The following RSBN1L variants were observed in gnomAD, a reference collection of about 807,000 sequenced individuals.
RSBN1L encodes lysine-specific demethylase RSBN1L.
Under a neutral mutation model 67.7 loss-of-function variants are expected in RSBN1L, and 30 were observed. That is an observed-to-expected ratio of 0.44 (90% CI 0.33 to 0.60). The LOEUF is 0.60. RSBN1L is among the 20% of genes least tolerant of loss of function. The pLI, the probability that RSBN1L is intolerant of heterozygous loss-of-function variation, is 0.02. For missense variants in RSBN1L, 992 were observed against 1,031.7 expected (o/e 0.96, Z 0.53); for synonymous variants, 433 against 387.0 (o/e 1.12, Z -1.39).
chr7:77,753,099 G>A (rs189498439), intron 3 of RSBN1L, among the ~76,000 whole-genome samples: 2 of 152,128 alleles, frequency 1.3e-5, no homozygotes, highest in Non-Finnish European at 2.9e-5. Flanking sequence ...GGTAGAACAC[G>A]GATGCTATGA....
chr7:77,713,549 G>A (rs1462461294), intron 1 of RSBN1L, among the ~76,000 whole-genome samples: 1 of 151,502 alleles, frequency 6.6e-6, no homozygotes, highest in African/African-American at 2.4e-5. Context: ...GTAGAGACGG[G>A]GTTTCACCAT....
intron 1 of RSBN1L, chr7:77,697,314 G>A: frequency 2.8e-6 from 1 of 357,718 alleles, no homozygotes; most frequent in Non-Finnish European, 4.9e-6. Flanking sequence ...GTGCGCTGCA[G>A]GATTTGTGAA....
At chr7:77,757,860 C>T (rs1201913785) in intron 3 of RSBN1L, among the ~76,000 whole-genome samples, 1 of 152,146 alleles carries the variant, frequency 6.6e-6, no homozygotes, top group Admixed American at 6.5e-5. Flanking sequence ...CAAGCTTCTG[C>T]TTGTGTTGTG....
intron 3 of RSBN1L, 79 bp downstream of exon 3, chr7:77,750,143 A>G (rs960404877): frequency 1.2e-6 from 1 of 820,306 alleles, no homozygotes; most frequent in Non-Finnish European, 1.7e-6. Context: ...TCCTAATTAT[A>G]GGGCTGAAAT....
chr7:77,777,158 A>G (rs1455893341), intron 6 of RSBN1L, among the ~76,000 whole-genome samples: 3 of 151,238 alleles, frequency 2.0e-5, no homozygotes, highest in African/African-American at 7.3e-5. Context: ...GTATACTTCC[A>G]TTTATTCCCT....
At chr7:77,737,777 A>G (rs1281679816) in intron 2 of RSBN1L, among the ~76,000 whole-genome samples, 2 of 152,208 alleles carry the variant, frequency 1.3e-5, no homozygotes, top group Admixed American at 6.5e-5. Context: ...AATCCCAGCA[A>G]TTTGGGAGGC....
chr7:77,706,620 A>G (rs950574772), intron 1 of RSBN1L, among the ~76,000 whole-genome samples: 1 of 152,220 alleles, frequency 6.6e-6, no homozygotes, highest in African/African-American at 2.4e-5. Flanking sequence ...GGGGTGGGAA[A>G]TTCAGTATAA....
At chr7:77,733,401 A>G (rs1331950784) in intron 1 of RSBN1L, among the ~76,000 whole-genome samples, 1 of 152,172 alleles carries the variant, frequency 6.6e-6, no homozygotes, top group African/African-American at 2.4e-5. Flanking sequence ...TGGCTTTGCC[A>G]TTGTTTTTGT....
At chr7:77,762,110 T>A (rs1301536811) in intron 3 of RSBN1L, among the ~76,000 whole-genome samples, 1 of 152,218 alleles carries the variant, frequency 6.6e-6, no homozygotes, top group African/African-American at 2.4e-5. Flanking sequence ...TTTGTTATAA[T>A]AAGTTATGTG....
chr7:77,740,771 G>A (rs1791397828), intron 2 of RSBN1L, among the ~76,000 whole-genome samples: 1 of 151,474 alleles, frequency 6.6e-6, no homozygotes. Context: ...CTTTGTTTCT[G>A]TGTGCGCTTC....
In RSBN1L at chr7:77,753,631, A is replaced by G. The variant is rs115762563; in HGVS notation, c.1344+3567A>G. Reference sequence around the variant, plus strand: ...TTTAATGTAATCTAATTTATAATTTATAATCCATTTATGATAACTGTTTCT... The same window carrying G: ...TTTAATGTAATCTAATTTATAATTTGTAATCCATTTATGATAACTGTTTCT... On this transcript the variant is annotated intron_variant, in intron 3 of 7. Coordinates refer to ENST00000334955, the MANE Select transcript of RSBN1L (RefSeq NM_198467.3). Among the ~76,000 whole-genome samples, 790 of 152,344 alleles carry G rather than the reference A, an allele frequency of 5.2e-3. 11 individuals are homozygous for G. The highest frequency in any genetic ancestry group is 0.018 in the African/African-American group (763 of 41,584).
intron 1 of RSBN1L, among the ~76,000 whole-genome samples, chr7:77,708,298 T>C (rs1310576955): frequency 2.0e-5 from 3 of 151,988 alleles, no homozygotes; most frequent in Non-Finnish European, 4.4e-5. Flanking sequence ...TGGCTAAGAT[T>C]GATGCTTTTG....
At chr7:77,755,407 G>T (rs768201287) in intron 3 of RSBN1L, among the ~76,000 whole-genome samples, 2 of 152,180 alleles carry the variant, frequency 1.3e-5, no homozygotes, top group Non-Finnish European at 2.9e-5. Flanking sequence ...GCTCACCCCT[G>T]TAATCTCAGC....
intron 1 of RSBN1L, among the ~76,000 whole-genome samples, chr7:77,731,604 C>T (rs1009024021): frequency 2.6e-5 from 4 of 152,118 alleles, no homozygotes; most frequent in Non-Finnish European, 5.9e-5. Context: ...GGATAATAAC[C>T]CTTTATTGGA....
At chr7:77,700,896 C>A (rs1790806775) in intron 1 of RSBN1L, among the ~76,000 whole-genome samples, 1 of 152,168 alleles carries the variant, frequency 6.6e-6, no homozygotes, top group South Asian at 2.1e-4. Context: ...GTGGCTCACG[C>A]CTGTAATCCC....
intron 3 of RSBN1L, among the ~76,000 whole-genome samples, chr7:77,755,648 C>T (rs932913850): frequency 7.0e-6 from 1 of 143,844 alleles, no homozygotes; most frequent in Non-Finnish European, 1.5e-5. Context: ...GCTTGGGTGA[C>T]AGAGTGAGAC....
chr7:77,708,555 T>G (rs1035349438), intron 1 of RSBN1L, among the ~76,000 whole-genome samples: 1 of 151,918 alleles, frequency 6.6e-6, no homozygotes. Context: ...CTCATTTTTT[T>G]GTATTTTTAG....
chr7:77,732,664 C>T (rs191673189), intron 1 of RSBN1L, among the ~76,000 whole-genome samples: 45 of 152,202 alleles, frequency 3.0e-4, no homozygotes, highest in Admixed American at 1.3e-3. Flanking sequence ...GAACATACTA[C>T]GATACATTAG....
Position 77,778,629 on chromosome 7 carries a change from C to G in RSBN1L, c.2002C>G (p.Pro668Ala), listed in dbSNP as rs868430256. ...ATATGATAATGACATTTATTTTATT[C>G]CAAGGAATGTTGTTCATCAGTTCAA... ...QLYDNDIYFI[P>A]RNVVHQFKTV... The change falls in exon 8 of 8, where the codon CCA becomes GCA. Residue 668 changes from proline (P) to alanine (A), a missense_variant. This residue lies in a region of RSBN1L where 55 missense variants were observed against 112.8 expected (regional missense o/e 0.49). Coordinates refer to ENST00000334955, the MANE Select transcript of RSBN1L (RefSeq NM_198467.3). The G allele has an allele frequency of 6.2e-7, 1 of 1,613,978 alleles. No homozygotes were observed. Among genetic ancestry groups the G allele is most frequent in the Non-Finnish European group, 8.5e-7 (1 of 1,179,966 alleles).
Sources: gnomAD v4.1 joint callset for allele counts (sites outside exome capture counted in the v4.1 genomes callset) on GRCh38, gnomAD v4.1.1 for gene constraint, gnomAD v4.1.1 regional missense constraint, MANE v1.5 for transcripts, NCBI Gene and HGNC (gene_info 2026-07-23, HGNC 2026-07-21) for gene names.